The following FZD3 variants were observed in gnomAD, a reference collection of about 807,000 sequenced individuals.
The protein encoded by FZD3 is frizzled-3.
A neutral mutation model predicts 60.7 loss-of-function variants in FZD3; 30 were observed. That is an observed-to-expected ratio of 0.49 (90% CI 0.37 to 0.67). The LOEUF (loss-of-function observed/expected upper bound fraction) is 0.67, where lower values mean the gene tolerates loss of function less well. Among genes scored for constraint, FZD3 ranks in the 30% least tolerant of loss-of-function variants. The pLI is 0.00. For synonymous variants in FZD3, 246 were observed against 275.2 expected, an observed-to-expected ratio of 0.89 and a Z score of 1.05; for missense variants, 605 against 838.7, an observed-to-expected ratio of 0.72 and a Z score of 3.44.
chr8:28,536,384 C>T (rs1805013567), intron 5 of FZD3, among the ~76,000 whole-genome samples: 1 of 152,170 alleles, frequency 6.6e-6, no homozygotes, highest in African/African-American at 2.4e-5. Flanking sequence ...GTCAAATTCA[C>T]ATTACAGCCA....
chr8:28,517,938 G>A (rs1016124699), intron 3 of FZD3, among the ~76,000 whole-genome samples: 2 of 152,094 alleles, frequency 1.3e-5, no homozygotes, highest in African/African-American at 2.4e-5. Flanking sequence ...CTAAGTGCTA[G>A]ACGTTATAAA....
chr8:28,546,631 C>T (rs1320281974), intron 5 of FZD3, among the ~76,000 whole-genome samples: 1 of 152,082 alleles, frequency 6.6e-6, no homozygotes, highest in African/African-American at 2.4e-5. Flanking sequence ...TATTTAGAAT[C>T]TTCATACGTA....
chr8:28,551,596 C>G lies in FZD3; in HGVS notation c.1405-7C>G, dbSNP rs745500133. 16 of 1,582,006 alleles carry G rather than the reference C, an allele frequency of 1.0e-5. No individual in the cohort carries two copies. The East Asian group carries it at 2.9e-4, about 29-fold the overall frequency. ...TATTTAAGATGCTTTTCTTTCTGTT[C>G]TTCCAGGTTACTCAAATGAGTCGTC... is the stretch of plus-strand genomic sequence containing the variant. On this transcript the variant is annotated splice_polypyrimidine_tract_variant and splice_region_variant and intron_variant, in intron 5 of 7. Transcript: ENST00000240093.
At position 28,562,253 on chromosome 8, in the gene FZD3, A is replaced by G. The variant is rs370711217; in HGVS notation, c.1788-545A>G. On this transcript the variant is annotated intron_variant, in intron 7 of 7. Coordinates refer to ENST00000240093, the MANE Select transcript of FZD3 (RefSeq NM_017412.4). ...AGTTAATTCAGTTGTTAACTGGGCT[A>G]TCTGGAAAGCAGCTTTCGGCACATA... 2.7e-4 allele frequency among the ~76,000 whole-genome samples: 41 copies of G among 152,304 alleles called. 2 individuals carry two copies. The East Asian group carries it at 6.0e-3, about 22-fold the overall frequency.
At chr8:28,551,069 A>G (rs1805400524) in intron 5 of FZD3, among the ~76,000 whole-genome samples, 1 of 152,200 alleles carries the variant, frequency 6.6e-6, no homozygotes, top group Non-Finnish European at 1.5e-5. Context: ...TGTCAGCCAA[A>G]TATCTATCAT....
chr8:28,523,995 G>C (rs968999747), intron 4 of FZD3, among the ~76,000 whole-genome samples: 2 of 152,068 alleles, frequency 1.3e-5, no homozygotes, highest in Admixed American at 1.3e-4. Flanking sequence ...GCCATGGGTT[G>C]ATGCACCAAG....
chr8:28,535,254 G>T (rs1177797685), intron 5 of FZD3, among the ~76,000 whole-genome samples: 1 of 151,980 alleles, frequency 6.6e-6, no homozygotes, highest in Admixed American at 6.6e-5. Flanking sequence ...TAAAATTGTA[G>T]GTTTTAGCAC....
chr8:28,537,223 C>A (rs548235252), intron 5 of FZD3, among the ~76,000 whole-genome samples: 5 of 152,128 alleles, frequency 3.3e-5, no homozygotes, highest in Non-Finnish European at 7.4e-5. Flanking sequence ...TTTATAGAAA[C>A]TGTAATACTG....
rs1804747078 is a variant in FZD3, at chr8:28,527,541, CGAGTAGCCTG to C, written c.782_791del (p.Arg261ProfsTer14). ...CTTCATTGGATTTTTGCTTGAAGAT[CGAGTAGCCTG>C]CAATGCATCCATCCCTGCACAATAT... On this transcript the variant is annotated frameshift_variant, in exon 5 of 8. Transcript: ENST00000240093. LOFTEE classifies it high-confidence loss of function. The surrounding 1 kb of genome is among the most constrained non-coding windows in gnomAD (Gnocchi z 5.0). 1 of 1,613,842 alleles carries C rather than the reference CGAGTAGCCTG, an allele frequency of 6.2e-7. No homozygotes were observed. The highest frequency in any genetic ancestry group is 8.5e-7 in the Non-Finnish European group (1 of 1,179,940).
chr8:28,542,927 T>G (rs1365509886), intron 5 of FZD3, among the ~76,000 whole-genome samples: 1 of 152,196 alleles, frequency 6.6e-6, no homozygotes, highest in Non-Finnish European at 1.5e-5. Context: ...TGCAGATCAG[T>G]TCACTTCCCT....
chr8:28,521,432 T>G (rs1036947444), intron 4 of FZD3, among the ~76,000 whole-genome samples: 1 of 152,126 alleles, frequency 6.6e-6, no homozygotes, highest in Non-Finnish European at 1.5e-5. Context: ...CTATTTGTAT[T>G]CTGAAATATT....
chr8:28,541,390 C>T lies in FZD3; in HGVS notation c.1405-10213C>T, dbSNP rs553379103. On this transcript the variant is annotated intron_variant, in intron 5 of 7. Coordinates refer to ENST00000240093, the MANE Select transcript of FZD3 (RefSeq NM_017412.4). The stretch of plus-strand genomic sequence containing the variant: ...TTCTGTGTTACATCCCTGCTGTCTT[C>T]CAAATCTTCTTGCCTAATTGGAGGT... 1.2e-3 allele frequency among the ~76,000 whole-genome samples: 185 copies of T among 152,346 alleles called. 3 individuals carry two copies. The highest frequency in any genetic ancestry group is 4.3e-3 in the African/African-American group (179 of 41,570).
At chr8:28,507,470 A>G (rs575847481) in intron 3 of FZD3, among the ~76,000 whole-genome samples, 10 of 152,284 alleles carry the variant, frequency 6.6e-5, no homozygotes, top group African/African-American at 2.4e-4. Flanking sequence ...AGCACATAAT[A>G]TTAAGTTGTT....
intron 5 of FZD3, among the ~76,000 whole-genome samples, chr8:28,544,818 A>G (rs1585991537): frequency 6.6e-6 from 1 of 152,214 alleles, no homozygotes; most frequent in East Asian, 1.9e-4. Flanking sequence ...AAACTGGGTA[A>G]TTTTTAAAGA....
intron 3 of FZD3, among the ~76,000 whole-genome samples, chr8:28,504,106 C>T (rs1332872784): frequency 6.6e-6 from 1 of 152,134 alleles, no homozygotes; most frequent in Non-Finnish European, 1.5e-5. Context: ...TTTTGGAATT[C>T]TTCATTTTAT....
At chr8:28,550,295 T>C (rs1430617834) in intron 5 of FZD3, among the ~76,000 whole-genome samples, 1 of 151,952 alleles carries the variant, frequency 6.6e-6, no homozygotes, top group Non-Finnish European at 1.5e-5. Context: ...TTGAGTAAAG[T>C]AATCTTTTTA....
chr8:28,511,943 A>G (rs1804301361), intron 3 of FZD3, among the ~76,000 whole-genome samples: 1 of 152,202 alleles, frequency 6.6e-6, no homozygotes, highest in Admixed American at 6.5e-5. Flanking sequence ...CATGAACTTT[A>G]TAAACCCTAA....
intron 5 of FZD3, among the ~76,000 whole-genome samples, chr8:28,550,918 TAATC>T (rs1805397032): frequency 6.6e-6 from 1 of 152,214 alleles, no homozygotes. Context: ...AAATTTTTAG[TAATC>T]AAAACTATCA....
At chr8:28,519,978 G>A (rs1804531840) in intron 3 of FZD3, among the ~76,000 whole-genome samples, 1 of 152,044 alleles carries the variant, frequency 6.6e-6, no homozygotes. Flanking sequence ...GGGAGTCTGA[G>A]GCAGACGGAT....
Sources: gnomAD v4.1 joint callset for allele counts (sites outside exome capture counted in the v4.1 genomes callset) on GRCh38, gnomAD v4.1.1 for gene constraint, Gnocchi (gnomAD v3.1) non-coding constraint, MANE v1.5 for transcripts, NCBI Gene and HGNC (gene_info 2026-07-23, HGNC 2026-07-21) for gene names.